SLC30A5: variants seen among roughly 807,000 people sequenced by gnomAD.
SLC30A5 encodes solute carrier family 30 member 5.
In SLC30A5, 33 loss-of-function variants were observed where a neutral mutation model predicts 79.6. That is an observed-to-expected ratio of 0.41 (90% CI 0.31 to 0.55). The LOEUF (loss-of-function observed/expected upper bound fraction) is 0.55. Among genes scored for constraint, SLC30A5 ranks in the 20% least tolerant of loss-of-function variants. SLC30A5 has a pLI of 0.20. For synonymous variants in SLC30A5, 299 were observed against 319.7 expected (o/e 0.94, Z 0.69); for missense variants, 788 against 928.1 (o/e 0.85, Z 1.96).
chr5:69,106,463 G>A (rs1240456816), intron 4 of SLC30A5, among the ~76,000 whole-genome samples: 3 of 152,070 alleles, frequency 2.0e-5, no homozygotes, highest in Non-Finnish European at 4.4e-5. Context: ...TCCCTATTTA[G>A]TCATCTAGCT....
chr5:69,112,371 G>A (rs1746257887), intron 5 of SLC30A5, among the ~76,000 whole-genome samples: 1 of 151,972 alleles, frequency 6.6e-6, no homozygotes. Context: ...CATAAACCGA[G>A]CTAATATGTC....
At chr5:69,115,135 GAAAAAAAAAA>G (rs60614154) in intron 7 of SLC30A5, 92 bp from the exon 8 acceptor site, 157 of 539,544 alleles carry the variant, frequency 2.9e-4, no homozygotes, top group African/African-American at 1.7e-3. Context: ...TGTCTCTGGG[GAAAAAAAAAA>G]AAAAAAAAAA....
intron 2 of SLC30A5, among the ~76,000 whole-genome samples, chr5:69,101,503 T>G (rs536431886): frequency 1.2e-4 from 18 of 151,736 alleles, no homozygotes; most frequent in African/African-American, 4.1e-4. Context: ...GGTCTCAATC[T>G]CTTGACCTTG....
At chr5:69,108,809 G>A (rs1018427305) in intron 5 of SLC30A5, among the ~76,000 whole-genome samples, 1 of 132,096 alleles carries the variant, frequency 7.6e-6, no homozygotes, top group African/African-American at 2.9e-5. Flanking sequence ...GCAATAGAGT[G>A]AGACTCAGCC....
rs928408962 is a variant in SLC30A5, at chr5:69,117,230, C to T, written c.1282-9C>T. On this transcript the variant is annotated splice_polypyrimidine_tract_variant and intron_variant, in intron 10 of 15. Transcript: ENST00000396591. Reference sequence around the variant, plus strand: ...ATACTCCTCCCTTTTTTTTTGGTGACATTTTTAGCTTTTTACCTTTGTGGA... The same window carrying T: ...ATACTCCTCCCTTTTTTTTTGGTGATATTTTTAGCTTTTTACCTTTGTGGA... The T allele has an allele frequency of 1.2e-6, 2 of 1,602,166 alleles. No individual in the cohort carries two copies. The highest frequency in any genetic ancestry group is 1.3e-5 in the African/African-American group (1 of 74,170).
chr5:69,125,648 A>C (rs1379598503), intron 14 of SLC30A5, among the ~76,000 whole-genome samples: 4 of 151,828 alleles, frequency 2.6e-5, no homozygotes, highest in Non-Finnish European at 4.4e-5. Flanking sequence ...ATCCTGGCTA[A>C]CATGGTGAAA....
chr5:69,094,358 G>A lies in SLC30A5; in HGVS notation c.83+20G>A. 5 of 1,245,240 alleles carry A rather than the reference G, an allele frequency of 4.0e-6. No individual in the cohort carries two copies. The highest frequency in any genetic ancestry group is 5.1e-6 in the Non-Finnish European group (5 of 987,776). 77.1% of individuals were successfully genotyped at this position (1,245,240 alleles called of 1,614,324 possible). On this transcript the variant is annotated intron_variant, in intron 1 of 15. Transcript: ENST00000396591. The stretch of plus-strand genomic sequence containing the variant: ...CGCTCGGTAAGGGACCGATCCGGAA[G>A]GCAGCGACCGGCCGGGTCGCTCAGG...
At chr5:69,100,102 G>A (rs964613809) in intron 1 of SLC30A5, among the ~76,000 whole-genome samples, 2 of 152,106 alleles carry the variant, frequency 1.3e-5, no homozygotes, top group Non-Finnish European at 2.9e-5. Flanking sequence ...CCAGGTGGCT[G>A]GAATTACAGG....
At chr5:69,109,029 T>C (rs1455540401) in intron 5 of SLC30A5, among the ~76,000 whole-genome samples, 1 of 152,114 alleles carries the variant, frequency 6.6e-6, no homozygotes, top group African/African-American at 2.4e-5. Flanking sequence ...GCTAAAATAG[T>C]ACATAGAGGA....
In SLC30A5 at chr5:69,114,400, C is replaced by G. The variant is rs369975684; in HGVS notation, c.536-20C>G. On this transcript the variant is annotated intron_variant, in intron 6 of 15. Coordinates refer to ENST00000396591, the MANE Select transcript of SLC30A5 (RefSeq NM_022902.5). ...AGAGTGACTTTTTGGAATTTTTTTC[C>G]TTTACTTCAACTCACTTAGCTGAAG... The G allele has an allele frequency of 8.5e-6, 13 of 1,537,248 alleles. No individual in the cohort carries two copies. Among genetic ancestry groups the G allele is most frequent in the Non-Finnish European group, 1.2e-5 (13 of 1,115,244 alleles).
chr5:69,129,674 T>C lies in SLC30A5; in HGVS notation c.*57T>C, dbSNP rs1386498694. On this transcript the variant is annotated 3_prime_UTR_variant, in exon 16 of 16. Coordinates refer to ENST00000396591, the MANE Select transcript of SLC30A5 (RefSeq NM_022902.5). ...CAATGAAGATTAAATGACTCAGTAT[T>C]TGTAATATTGCCAGAAGGATAAAAA... 4 of 1,454,550 alleles carry C rather than the reference T, an allele frequency of 2.7e-6. No homozygotes were observed. Among genetic ancestry groups the C allele is most frequent in the East Asian group, 2.3e-5 (1 of 42,840 alleles). 90.1% of individuals were successfully genotyped at this position (1,454,550 alleles called of 1,614,324 possible). A position where few individuals can be genotyped will look rare whatever the true frequency, so the allele number is the denominator to read the frequency against.
chr5:69,097,010 C>T (rs1423495676), intron 1 of SLC30A5, among the ~76,000 whole-genome samples: 3 of 149,370 alleles, frequency 2.0e-5, no homozygotes, highest in African/African-American at 7.4e-5. Flanking sequence ...AAAAAACCAA[C>T]AACAACAAAA....
At chr5:69,101,225 TAC>T (rs1745908204) in intron 2 of SLC30A5, among the ~76,000 whole-genome samples, 1 of 152,128 alleles carries the variant, frequency 6.6e-6, no homozygotes, top group Non-Finnish European at 1.5e-5. Context: ...CCTTTCTTAG[TAC>T]AGAGTCCTCA....
At chr5:69,104,857 A>ATCTG in intron 4 of SLC30A5, 141 bp downstream of exon 4, 1 of 733,640 alleles carries the variant, frequency 1.4e-6, no homozygotes, top group Non-Finnish European at 2.1e-6. Flanking sequence ...AATTCAACAG[A>ATCTG]TAGAACAAAC....
At chr5:69,096,356 A>T (rs1745730419) in intron 1 of SLC30A5, among the ~76,000 whole-genome samples, 1 of 152,272 alleles carries the variant, frequency 6.6e-6, no homozygotes, top group Non-Finnish European at 1.5e-5. Context: ...TGAGTAGTTT[A>T]AAAGTGCTGT....
At chr5:69,112,022 AG>A (rs1746246458) in intron 5 of SLC30A5, among the ~76,000 whole-genome samples, 1 of 152,148 alleles carries the variant, frequency 6.6e-6, no homozygotes, top group African/African-American at 2.4e-5. Flanking sequence ...CTGTTTAGCC[AG>A]GCACAGTGGC....
intron 12 of SLC30A5, among the ~76,000 whole-genome samples, chr5:69,119,353 C>G (rs543679858): frequency 6.6e-6 from 1 of 152,094 alleles, no homozygotes. Flanking sequence ...CTTTTAATCC[C>G]CCTCTTCTCT....
At chr5:69,113,991 A>C (rs1746299257) in intron 6 of SLC30A5, among the ~76,000 whole-genome samples, 1 of 152,202 alleles carries the variant, frequency 6.6e-6, no homozygotes, top group African/African-American at 2.4e-5. Context: ...TCAGTGACTT[A>C]GAAGACAGAT....
At chr5:69,128,249 TC>T (rs1746756689) in intron 15 of SLC30A5, 117 bp downstream of exon 15, 8 of 450,058 alleles carry the variant, frequency 1.8e-5, no homozygotes, top group African/African-American at 6.1e-5. Flanking sequence ...ATCTTCCAAC[TC>T]TTTTTTTTTT....
Sources: allele counts gnomAD v4.1 joint callset (sites outside exome capture counted in the v4.1 genomes callset), GRCh38; gene constraint gnomAD v4.1.1; transcripts MANE v1.5; gene names NCBI Gene and HGNC (gene_info 2026-07-23, HGNC 2026-07-21).